Variants in HOMER3 observed in about 807,000 individuals in gnomAD.
HOMER3 encodes homer scaffold protein 3, also known as homer protein homolog 3.
Under a neutral mutation model 45.5 loss-of-function variants are expected in HOMER3, and 34 were observed. The observed-to-expected ratio is 0.75, with a 90% CI of 0.57 to 1.00. The LOEUF is 1.00. Ranked by LOEUF, HOMER3 falls within the 50% of genes least tolerant of loss-of-function variation. The probability of loss-of-function intolerance (pLI) is 0.00; values close to 1 mark genes in which losing one functional copy is unlikely to be tolerated. For missense variants in HOMER3, 480 were observed against 497.5 expected, an observed-to-expected ratio of 0.96 and a Z score of 0.33; for synonymous variants, 223 against 208.8, an observed-to-expected ratio of 1.07 and a Z score of -0.58.
chr19:18,934,437 T>C (rs762748685), intron 4 of HOMER3, 27 bp from the exon 5 acceptor site: 1 of 1,443,956 alleles, frequency 6.9e-7, no homozygotes, highest in East Asian at 2.6e-5. Flanking sequence ...GAAAAGACAG[T>C]AAAACCCCAG....
rs2057117334 is a variant in HOMER3 at position 18,938,390 on chromosome 19, T to C, written c.266A>G (p.Tyr89Cys). 1 of 1,613,874 alleles carries C rather than the reference T, an allele frequency of 6.2e-7. No individual in the cohort carries two copies. The highest frequency in any genetic ancestry group is 1.1e-5 in the South Asian group (1 of 91,070). ...CTGTTCAGAGGCAAAGCCCAGGCCG[T>C]AGACTGTGTTGGCGCGACTGTCGGC... is the stretch of plus-strand genomic sequence containing the variant. The part of the protein sequence containing the change: ...QWADSRANTV[Y>C]GLGFASEQHL... The change falls in exon 4 of 10, where the codon TAC (tyrosine) becomes TGC (cysteine). Residue 89 changes from tyrosine to cysteine, a missense_variant. Physicochemically the swap from Tyr to Cys is radical, Grantham distance 194. Transcript: ENST00000392351.
intron 9 of HOMER3, 52 bp downstream of exon 9, chr19:18,931,273 G>A (rs2057028351): frequency 1.4e-6 from 2 of 1,458,834 alleles, no homozygotes; most frequent in Non-Finnish European, 1.9e-6. Flanking sequence ...CTGAGTGTCT[G>A]TTGAGGTGAC....
At chr19:18,932,642 C>A (rs1303440094) in intron 6 of HOMER3, among the ~76,000 whole-genome samples, 1 of 151,538 alleles carries the variant, frequency 6.6e-6, no homozygotes, top group Non-Finnish European at 1.5e-5. Context: ...CCGATGGGGG[C>A]GTGGTCAGGG....
In HOMER3 at chr19:18,932,073, TTG is replaced by T; in HGVS notation, c.591_592del (p.Asn197LysfsTer36). The T allele has an allele frequency of 6.4e-7, 1 of 1,565,418 alleles. No homozygotes were observed. The highest frequency in any genetic ancestry group is 8.6e-7 in the Non-Finnish European group (1 of 1,157,178). ...GGCCTCTCGCAGGGCGCCTGCCAGC[TTG>T]TTGTTGCTGTCCTGCAGTGCGAAAA... On this transcript the variant is annotated frameshift_variant, in exon 7 of 10. Transcript: ENST00000392351. LOFTEE classifies it high-confidence loss of function.
At chr19:18,930,318 C>T (rs1022632439) in intron 9 of HOMER3, among the ~76,000 whole-genome samples, 1 of 142,650 alleles carries the variant, frequency 7.0e-6, no homozygotes, top group South Asian at 2.2e-4. Context: ...GAGGCCGAGG[C>T]GAGTGGATCA....
chr19:18,934,270 CCAGG>C, intron 5 of HOMER3, 29 bp downstream of exon 5: 1 of 1,296,184 alleles, frequency 7.7e-7, no homozygotes, highest in Non-Finnish European at 1.0e-6. Flanking sequence ...TCACAGGTGC[CCAGG>C]CAGGCATAGG....
rs761314585 is a variant in HOMER3, at chr19:18,932,950, C to T, written c.507G>A (p.Glu169=). ...CCTCAGACAACATCTTCTTTAGCCG[C>T]TCGCGCTCTGTGGGGCCGGGGGCAT... ...SADAPGPTER[E]RLKKMLSEGS... The change falls in exon 6 of 10, where the codon GAG becomes GAA. Residue 169 remains glutamate (E), a synonymous_variant. Coordinates refer to ENST00000392351, the MANE Select transcript of HOMER3 (RefSeq NM_004838.4). The T allele has an allele frequency of 7.0e-7, 1 of 1,438,588 alleles. No individual in the cohort carries two copies. Among genetic ancestry groups the T allele is most frequent in the East Asian group, 2.8e-5 (1 of 36,296 alleles). The allele number at this position is 1,438,588 out of a possible 1,614,324, so 89.1% of individuals were successfully genotyped here.
chr19:18,930,695 G>A (rs999220246), intron 9 of HOMER3, among the ~76,000 whole-genome samples: 2 of 150,860 alleles, frequency 1.3e-5, no homozygotes, highest in Non-Finnish European at 3.0e-5. Context: ...GCCAACATGA[G>A]GAAACCCCAT....
At chr19:18,936,253 C>T (rs1437688451) in intron 4 of HOMER3, among the ~76,000 whole-genome samples, 7 of 150,252 alleles carry the variant, frequency 4.7e-5, no homozygotes, top group African/African-American at 1.5e-4. Flanking sequence ...GCGGAAGTTG[C>T]GGTGAGCCGA....
In HOMER3 at chr19:18,938,628, A is replaced by G; in HGVS notation, c.171+100T>C. Reference sequence around the variant, plus strand: ...TAGAGACTAGGGCCTGGGAAGGCTTAGGGTTTCCTGTCCCTTGGGCACACA... The same window carrying G: ...TAGAGACTAGGGCCTGGGAAGGCTTGGGGTTTCCTGTCCCTTGGGCACACA... On this transcript the variant is annotated intron_variant, in intron 3 of 9. Coordinates refer to ENST00000392351, the MANE Select transcript of HOMER3 (RefSeq NM_004838.4). 2.7e-6 allele frequency: 4 copies of G among 1,504,718 alleles called. No homozygotes were observed. In the South Asian group the frequency reaches 5.0e-5, roughly 19 times the overall value. 93.2% of individuals were successfully genotyped at this position (1,504,718 alleles called of 1,614,324 possible). A position where few individuals can be genotyped will look rare whatever the true frequency, so the allele number is the denominator to read the frequency against.
chr19:18,932,806 G>T, intron 6 of HOMER3, 118 bp downstream of exon 6: 1 of 781,646 alleles, frequency 1.3e-6, no homozygotes, highest in South Asian at 2.8e-5. Context: ...CCCTTCCCCA[G>T]GTCTTGAGTC....
chr19:18,929,427 G>A lies in HOMER3; in HGVS notation c.*16C>T. 1 of 1,587,974 alleles carries A rather than the reference G, an allele frequency of 6.3e-7. No homozygotes were observed. Among genetic ancestry groups the A allele is most frequent in the Non-Finnish European group, 8.5e-7 (1 of 1,171,456 alleles). ...GCATCCCAGGCCGGAATCGTTCATAGAAAACCAGCCCCGGCTCAGGGCGCA... is the reference window on the plus strand; with the variant it reads ...GCATCCCAGGCCGGAATCGTTCATAAAAAACCAGCCCCGGCTCAGGGCGCA... On this transcript the variant is annotated 3_prime_UTR_variant, in exon 10 of 10. Coordinates refer to ENST00000392351, the MANE Select transcript of HOMER3 (RefSeq NM_004838.4).
In HOMER3 at chr19:18,932,128, C is replaced by T; in HGVS notation, c.538G>A (p.Val180Met). ...TCGGCCTCCCACTGTACCTCGCCCA[C>T]GGAGCTGCAGAGACACGAGGGTCGG... ...RLKKMLSEGS[V>M]GEVQWEAEFF... The change falls in exon 7 of 10, where the codon GTG becomes ATG. Residue 180 changes from valine (V) to methionine (M), a missense_variant. By Grantham distance (21) the Val-to-Met change is conservative (BLOSUM62 1). Coordinates refer to ENST00000392351, the MANE Select transcript of HOMER3 (RefSeq NM_004838.4). 7.0e-7 allele frequency: 1 copy of T among 1,429,866 alleles called. No homozygotes were observed. Among genetic ancestry groups the T allele is most frequent in the Non-Finnish European group, 9.3e-7 (1 of 1,072,110 alleles). 88.6% of individuals were successfully genotyped at this position (1,429,866 alleles called of 1,614,324 possible).
In HOMER3 at chr19:18,929,594, C is replaced by T. The variant is rs751418899; in HGVS notation, c.935G>A (p.Arg312Gln). 3.9e-6 allele frequency: 6 copies of T among 1,538,654 alleles called. No individual in the cohort carries two copies. Among genetic ancestry groups the T allele is most frequent in the Non-Finnish European group, 5.3e-6 (6 of 1,141,166 alleles). ...TRNAELEHQL[R>Q]AMERSLEEAR... ...CTCCTCCAGGCTGCGCTCCATCGCC[C>T]GCAGCTGGTGCTCCAACTCCGCATT... Residue 312 changes from arginine to glutamine, a missense_variant, in exon 10 of 10, where the codon CGG (arginine) becomes CAG (glutamine). Coordinates refer to ENST00000392351, the MANE Select transcript of HOMER3 (RefSeq NM_004838.4).
chr19:18,934,493 A>C, intron 4 of HOMER3, 83 bp from the exon 5 acceptor site: 1 of 737,284 alleles, frequency 1.4e-6, no homozygotes, highest in African/African-American at 1.8e-5. Flanking sequence ...CAGCCCCGCC[A>C]CTTTCGAACC....
intron 1 of HOMER3, chr19:18,940,395 G>A (rs1733762730): frequency 1.3e-5 from 2 of 152,276 alleles, no homozygotes; most frequent in African/African-American, 4.8e-5. Context: ...CGGTGCCCGG[G>A]ATCCCCAATC....
chr19:18,937,532 C>A (rs1363588049), intron 4 of HOMER3, among the ~76,000 whole-genome samples: 4 of 151,518 alleles, frequency 2.6e-5, no homozygotes, highest in African/African-American at 9.7e-5. Context: ...ATTAGCTGGG[C>A]GAGGTGGTGG....
At chr19:18,931,950 T>G (rs1477333588) in intron 7 of HOMER3, 26 bp downstream of exon 7, 4 of 1,498,110 alleles carry the variant, frequency 2.7e-6, no homozygotes, top group Middle Eastern at 2.4e-4. Flanking sequence ...CAGGTGGGGG[T>G]CTCTCGGAGG....
In HOMER3 at chr19:18,931,503, A is replaced by G; in HGVS notation, c.807+6T>C. The G allele has an allele frequency of 6.2e-7, 1 of 1,613,374 alleles. No individual in the cohort carries two copies. The highest frequency in any genetic ancestry group is 1.3e-5 in the African/African-American group (1 of 75,000). Reference sequence around the variant, plus strand: ...GCGAGGCCCAGGAACCACACTTGGCACTCACCTGGTCCTTGGTTTGCACCA... The same window carrying G: ...GCGAGGCCCAGGAACCACACTTGGCGCTCACCTGGTCCTTGGTTTGCACCA... On this transcript the variant is annotated splice_donor_region_variant and intron_variant, in intron 8 of 9. Coordinates refer to ENST00000392351, the MANE Select transcript of HOMER3 (RefSeq NM_004838.4).
Sources: gnomAD v4.1 joint callset for allele counts (sites outside exome capture counted in the v4.1 genomes callset) on GRCh38, gnomAD v4.1.1 for gene constraint, MANE v1.5 for transcripts, NCBI Gene and HGNC (gene_info 2026-07-23, HGNC 2026-07-21) for gene names.